RNF185: variants seen among roughly 807,000 people sequenced by gnomAD.
The protein encoded by RNF185 is E3 ubiquitin-protein ligase RNF185.
RNF185 carries 13 observed loss-of-function variants against 24.9 expected under a neutral mutation model. The ratio of observed to expected loss-of-function variants is 0.52; its 90% confidence interval spans 0.34 to 0.83. The LOEUF is 0.83. RNF185 is among the 40% of genes least tolerant of loss of function. RNF185 has a pLI of 0.01. For missense variants in RNF185, 184 were observed against 244.7 expected, an observed-to-expected ratio of 0.75 and a Z score of 1.65; for synonymous variants, 79 against 90.3, an observed-to-expected ratio of 0.88 and a Z score of 0.71.
At chr22:31,174,088 G>A (rs889382341) in intron 1 of RNF185, among the ~76,000 whole-genome samples, 1 of 152,200 alleles carries the variant, frequency 6.6e-6, no homozygotes, top group Admixed American at 6.5e-5. Flanking sequence ...CAGGCACTAT[G>A]CTAGTCCCGT....
intron 5 of RNF185, among the ~76,000 whole-genome samples, chr22:31,200,373 AAAAG>A (rs1404632817): frequency 6.6e-6 from 1 of 152,174 alleles, no homozygotes; most frequent in Admixed American, 6.5e-5. Context: ...AAAGAAAAGA[AAAAG>A]AAAAGCATGT....
intron 1 of RNF185, among the ~76,000 whole-genome samples, chr22:31,186,527 G>A (rs1267524155): frequency 8.5e-5 from 13 of 152,144 alleles, no homozygotes. Context: ...ACTTGAACCT[G>A]GGAGGCAGAG....
rs1053755966 is a variant in RNF185, at chr22:31,160,226, C to G, written c.-126C>G. ...AGGAGGGGTCGGAGGTCTTACCCAA[C>G]AGATTGACGCGGCGTTAGTATTGGC... On this transcript the variant is annotated 5_prime_UTR_variant, in exon 1 of 7. Coordinates refer to ENST00000326132, the MANE Select transcript of RNF185 (RefSeq NM_152267.4). The G allele has an allele frequency of 6.6e-6, 1 of 152,328 alleles. No homozygotes were observed. The highest frequency in any genetic ancestry group is 1.5e-5 in the Non-Finnish European group (1 of 68,138). 9.4% of individuals were successfully genotyped at this position (152,328 alleles called of 1,614,324 possible).
At chr22:31,169,146 A>G (rs1350041976) in intron 1 of RNF185, among the ~76,000 whole-genome samples, 1 of 152,168 alleles carries the variant, frequency 6.6e-6, no homozygotes, top group Non-Finnish European at 1.5e-5. Context: ...TCTGACCTCA[A>G]GTGATCTGCC....
At chr22:31,181,598 C>A (rs1300972264) in intron 1 of RNF185, among the ~76,000 whole-genome samples, 1 of 152,064 alleles carries the variant, frequency 6.6e-6, no homozygotes, top group Non-Finnish European at 1.5e-5. Context: ...AGACTTGGAA[C>A]CAAGCCAGAT....
At chr22:31,182,841 T>G (rs2048052136) in intron 1 of RNF185, 1 of 152,026 alleles carries the variant, frequency 6.6e-6, no homozygotes, top group Admixed American at 6.6e-5. Flanking sequence ...GCTGATGACA[T>G]CTTCATGGAG....
At chr22:31,201,112 C>T (rs1209036930) in intron 5 of RNF185, among the ~76,000 whole-genome samples, 1 of 152,196 alleles carries the variant, frequency 6.6e-6, no homozygotes, top group East Asian at 1.9e-4. Context: ...CCCTTGGGCA[C>T]AGGGGTGGCT....
chr22:31,204,356 AG>A (rs1207794407), intron 6 of RNF185, 132 bp from the exon 7 acceptor site: 87 of 639,952 alleles, frequency 1.4e-4, no homozygotes, highest in Admixed American at 7.3e-4. Flanking sequence ...AAAAAAAAAA[AG>A]AAATCTTTTT....
intron 1 of RNF185, among the ~76,000 whole-genome samples, chr22:31,175,057 G>A (rs2047968186): frequency 7.0e-6 from 1 of 142,136 alleles, no homozygotes; most frequent in Non-Finnish European, 1.5e-5. Flanking sequence ...GGGCGACAGA[G>A]CGAGCCTCCG....
intron 1 of RNF185, among the ~76,000 whole-genome samples, chr22:31,173,051 A>G (rs1200921743): frequency 1.3e-5 from 2 of 152,190 alleles, no homozygotes; most frequent in East Asian, 1.9e-4. Flanking sequence ...ACCTTAATCA[A>G]ACATCTACTT....
intron 2 of RNF185, among the ~76,000 whole-genome samples, chr22:31,188,531 T>C (rs936097201): frequency 6.6e-6 from 1 of 152,140 alleles, no homozygotes; most frequent in African/African-American, 2.4e-5. Context: ...ATAAAAAATG[T>C]GTACAGCTAT....
intron 1 of RNF185, among the ~76,000 whole-genome samples, chr22:31,184,274 G>C (rs1165604584): frequency 6.6e-6 from 1 of 151,646 alleles, no homozygotes; most frequent in African/African-American, 2.4e-5. Flanking sequence ...TCAGTTCCCA[G>C]ACGGGGTCGC....
At chr22:31,183,802 A>C (rs1733025942) in intron 1 of RNF185, among the ~76,000 whole-genome samples, 1 of 152,148 alleles carries the variant, frequency 6.6e-6, no homozygotes, top group African/African-American at 2.4e-5. Context: ...AGACACAATA[A>C]CAATCTGATC....
In RNF185 at chr22:31,187,200, A is replaced by T; in HGVS notation, c.106A>T (p.Thr36Ser). The T allele has an allele frequency of 1.9e-6, 3 of 1,614,110 alleles. No homozygotes were observed. Among genetic ancestry groups the T allele is most frequent in the Non-Finnish European group, 2.5e-6 (3 of 1,179,962 alleles). Residue 36 changes from threonine to serine, a missense_variant, in exon 2 of 7, where the codon ACT becomes TCT. Transcript: ENST00000326132. ...GAGESGGQDS[T>S]FECNICLDTA... ...TGGCGAGAGCGGAGGGCAGGACAGC[A>T]CTTTCGAGTGCAACATCTGCTTGGA... is the stretch of plus-strand genomic sequence containing the variant.
Position 31,163,656 on chromosome 22 carries a change from TTTTATTTATTTA to T in RNF185, c.-49+3377_-49+3388del, listed in dbSNP as rs60362805. Among the ~76,000 whole-genome samples, 32 of 141,092 alleles carry T rather than the reference TTTTATTTATTTA, an allele frequency of 2.3e-4. No individual in the cohort carries two copies. The South Asian group carries it at 2.7e-3, about 12-fold the overall frequency. The allele number at this position is 141,092 out of a possible 152,430, so 92.6% of individuals were successfully genotyped here. On this transcript the variant is annotated intron_variant, in intron 1 of 6. Coordinates refer to ENST00000326132, the MANE Select transcript of RNF185 (RefSeq NM_152267.4). The stretch of plus-strand genomic sequence containing the variant: ...TATTGTTTTTTAACTTTTTATTTTA[TTTTATTTATTTA>T]TTTATTTATTTATTTATTTATTTGA...
intron 1 of RNF185, among the ~76,000 whole-genome samples, chr22:31,168,291 G>T (rs1251554090): frequency 2.0e-5 from 3 of 152,126 alleles, no homozygotes; most frequent in African/African-American, 7.2e-5. Flanking sequence ...AGTAGCTGGG[G>T]TTATGTGTGG....
chr22:31,180,911 CTCTCTG>C (rs60297772), intron 1 of RNF185, among the ~76,000 whole-genome samples: 13,184 of 124,052 alleles, frequency 0.11, 624 homozygotes, highest in East Asian at 0.39. Context: ...TTTTCTCTCT[CTCTCTG>C]TGTGTGTGTG....
chr22:31,170,543 C>G (rs1250288251), intron 1 of RNF185, among the ~76,000 whole-genome samples: 9 of 151,458 alleles, frequency 5.9e-5, no homozygotes, highest in Admixed American at 5.9e-4. Context: ...CAGAGTCTCA[C>G]TCTGTCACCC....
intron 1 of RNF185, among the ~76,000 whole-genome samples, chr22:31,170,809 C>T (rs1436994641): frequency 1.3e-5 from 2 of 152,066 alleles, no homozygotes; most frequent in Non-Finnish European, 2.9e-5. Context: ...CACGCCTGGC[C>T]AGGTTTTTAT....
Sources: allele counts gnomAD v4.1 joint callset (sites outside exome capture counted in the v4.1 genomes callset), GRCh38; gene constraint gnomAD v4.1.1; transcripts MANE v1.5; gene names NCBI Gene and HGNC (gene_info 2026-07-23, HGNC 2026-07-21).